The following LIN28B variants were observed in gnomAD, a reference collection of about 807,000 sequenced individuals.
LIN28B encodes the protein protein lin-28 homolog B.
In LIN28B, 5 loss-of-function variants were observed where a neutral mutation model predicts 21.9. That is an observed-to-expected ratio of 0.23 (90% CI 0.12 to 0.48). LIN28B has a LOEUF of 0.48. LIN28B is among the 20% of genes least tolerant of loss of function. LIN28B has a pLI of 0.98. For missense variants in LIN28B, 245 were observed against 310.5 expected (o/e 0.79, Z 1.58); for synonymous variants, 109 against 111.3 (o/e 0.98, Z 0.13).
rs773411610 is a variant in LIN28B at position 104,958,230 on chromosome 6, A to T, written c.142A>T (p.Met48Leu). 6 of 1,595,308 alleles carry T rather than the reference A, an allele frequency of 3.8e-6. No individual in the cohort carries two copies. The highest frequency in any genetic ancestry group is 5.1e-6 in the Non-Finnish European group (6 of 1,165,826). The part of the protein sequence containing the change: ...NVRMGFGFIS[M>L]INREGSPLDI... ...GCGCATGGGATTTGGATTCATCTCC[A>T]TGATAAACCGAGAGGGAAGCCCCTT... Residue 48 changes from methionine to leucine, a missense_variant, in exon 2 of 4, where the codon ATG becomes TTG. Physicochemically the swap from Met to Leu is conservative, Grantham distance 15 (BLOSUM62 2). Transcript: ENST00000345080.
chr6:105,041,206 C>T (rs1175627572), intron 3 of LIN28B, among the ~76,000 whole-genome samples: 1 of 152,214 alleles, frequency 6.6e-6, no homozygotes, highest in Non-Finnish European at 1.5e-5. Flanking sequence ...GCCACCACAC[C>T]TAGCCTGCAA....
intron 2 of LIN28B, among the ~76,000 whole-genome samples, chr6:105,007,264 T>A (rs1770836382): frequency 6.6e-6 from 1 of 152,196 alleles, no homozygotes; most frequent in Non-Finnish European, 1.5e-5. Context: ...CAGTTTCAAT[T>A]TGAATTTATT....
At position 104,991,796 on chromosome 6, in the gene LIN28B, C is replaced by T. The variant is rs558549562; in HGVS notation, c.198+33510C>T. 3.3e-5 allele frequency among the ~76,000 whole-genome samples: 5 copies of T among 152,312 alleles called. No homozygotes were observed. In the South Asian group the frequency reaches 1.0e-3, roughly 32 times the overall value. On this transcript the variant is annotated intron_variant, in intron 2 of 3. Coordinates refer to ENST00000345080, the MANE Select transcript of LIN28B (RefSeq NM_001004317.4). ...GAGGCCGAGGCTGGCAGATCACTCG[C>T]GGTTAGGAGCTGGAGACCAGCCCGG...
At chr6:105,010,578 C>G (rs1342775998) in intron 2 of LIN28B, among the ~76,000 whole-genome samples, 1 of 152,078 alleles carries the variant, frequency 6.6e-6, no homozygotes, top group African/African-American at 2.4e-5. Flanking sequence ...TTTTTGTATA[C>G]TTTATATAAC....
At chr6:105,060,512 G>T (rs1240441818) in intron 3 of LIN28B, among the ~76,000 whole-genome samples, 1 of 152,130 alleles carries the variant, frequency 6.6e-6, no homozygotes, top group Non-Finnish European at 1.5e-5. Context: ...TGACTGAGTG[G>T]TATGAGCAGA....
intron 2 of LIN28B, among the ~76,000 whole-genome samples, chr6:104,974,777 T>TA (rs1261083368): frequency 3.3e-5 from 5 of 151,832 alleles, no homozygotes; most frequent in African/African-American, 1.2e-4. Context: ...GCATAAAACT[T>TA]ACGTTTTATG....
chr6:104,958,201 A>G lies in LIN28B; in HGVS notation c.113A>G (p.Asn38Ser), dbSNP rs745733063. The change falls in exon 2 of 4, where the codon AAT becomes AGT. Residue 38 changes from asparagine (N) to serine (S), a missense_variant. By Grantham distance (46) the Asn-to-Ser change is conservative. Coordinates refer to ENST00000345080, the MANE Select transcript of LIN28B (RefSeq NM_001004317.4). ...LRGTGHCKWF[N>S]VRMGFGFISM... ...GGAACTGGCCACTGTAAGTGGTTCA[A>G]TGTGCGCATGGGATTTGGATTCATC... 8 of 1,608,160 alleles carry G rather than the reference A, an allele frequency of 5.0e-6. No individual in the cohort carries two copies. The highest frequency in any genetic ancestry group is 2.2e-5 in the South Asian group (2 of 90,640).
chr6:104,967,348 G>T (rs530660576), intron 2 of LIN28B, among the ~76,000 whole-genome samples: 1 of 151,730 alleles, frequency 6.6e-6, no homozygotes, highest in Non-Finnish European at 1.5e-5. Context: ...GGGAGGCTGA[G>T]GGGGGTGGAT....
intron 3 of LIN28B, among the ~76,000 whole-genome samples, chr6:105,075,005 G>C (rs138801405): frequency 6.6e-6 from 1 of 152,204 alleles, no homozygotes; most frequent in Admixed American, 6.5e-5. Flanking sequence ...ACTGCACTTG[G>C]CCTATTTTAT....
At chr6:104,979,215 ATT>A (rs199715968) in intron 2 of LIN28B, among the ~76,000 whole-genome samples, 1 of 145,812 alleles carries the variant, frequency 6.9e-6, no homozygotes, top group Non-Finnish European at 1.5e-5. Context: ...TTTTAATTTA[ATT>A]TTTTTTTTTT....
chr6:104,962,706 T>C (rs1292660005), intron 2 of LIN28B, among the ~76,000 whole-genome samples: 2 of 152,174 alleles, frequency 1.3e-5, no homozygotes, highest in Non-Finnish European at 2.9e-5. Context: ...AGTATATTCA[T>C]TTTTAAGGGC....
chr6:104,997,626 T>C (rs1370707058), intron 2 of LIN28B, among the ~76,000 whole-genome samples: 1 of 141,004 alleles, frequency 7.1e-6, no homozygotes, highest in East Asian at 2.1e-4. Flanking sequence ...AATGATAAAA[T>C]GTTTTCAGGT....
intron 2 of LIN28B, among the ~76,000 whole-genome samples, chr6:104,970,563 A>T (rs886457819): frequency 6.6e-6 from 1 of 152,168 alleles, no homozygotes; most frequent in Non-Finnish European, 1.5e-5. Flanking sequence ...AATTACTACT[A>T]AATAGATTTT....
intron 2 of LIN28B, among the ~76,000 whole-genome samples, chr6:104,966,235 T>C (rs1336112551): frequency 6.6e-6 from 1 of 152,152 alleles, no homozygotes; most frequent in Non-Finnish European, 1.5e-5. Context: ...TGCCAGTTGG[T>C]TGGTTTATAA....
intron 2 of LIN28B, among the ~76,000 whole-genome samples, chr6:105,013,752 T>G (rs1257763166): frequency 1.3e-5 from 2 of 152,070 alleles, no homozygotes; most frequent in Admixed American, 1.3e-4. Flanking sequence ...TACATTTTGT[T>G]AGCCTTAATA....
At chr6:104,984,866 T>TTTCCTAAA (rs1562081608) in intron 2 of LIN28B, among the ~76,000 whole-genome samples, 2 of 152,236 alleles carry the variant, frequency 1.3e-5, no homozygotes, top group African/African-American at 2.4e-5. Context: ...TGTAGGAATA[T>TTTCCTAAA]TTCCTAAATT....
chr6:104,970,586 G>A (rs1468316709), intron 2 of LIN28B, among the ~76,000 whole-genome samples: 1 of 152,008 alleles, frequency 6.6e-6, no homozygotes, highest in African/African-American at 2.4e-5. Flanking sequence ...AAATAATACG[G>A]ACCTTTTAAT....
chr6:104,990,569 AT>A (rs71003465), intron 2 of LIN28B, among the ~76,000 whole-genome samples: 75,375 of 142,608 alleles, frequency 0.53, 19,510 homozygotes, highest in East Asian at 0.68. Context: ...TTTATTTTTT[AT>A]TTTTTTTTTT....
upstream of LIN28B, among the ~76,000 whole-genome samples, chr6:104,954,788 A>G (rs1404143044): frequency 6.6e-6 from 1 of 152,204 alleles, no homozygotes; most frequent in East Asian, 1.9e-4. Flanking sequence ...ACTATACTGT[A>G]CAGTGTAGTT....
Sources: allele counts gnomAD v4.1 joint callset (sites outside exome capture counted in the v4.1 genomes callset), GRCh38; gene constraint gnomAD v4.1.1; transcripts MANE v1.5; gene names NCBI Gene and HGNC (gene_info 2026-07-23, HGNC 2026-07-21).